NXPH3: variants seen among roughly 807,000 people sequenced by gnomAD.
NXPH3 encodes neurexophilin-3.
Under a neutral mutation model 18.8 loss-of-function variants are expected in NXPH3, and 7 were observed. That is an observed-to-expected ratio of 0.37 (90% confidence interval 0.21 to 0.70). The LOEUF (loss-of-function observed/expected upper bound fraction) is 0.70. NXPH3 is among the 30% of genes least tolerant of loss of function. NXPH3 has a pLI of 0.53. For missense variants in NXPH3, 282 were observed against 338.1 expected, an observed-to-expected ratio of 0.83 and a Z score of 1.30; for synonymous variants, 101 against 137.3, an observed-to-expected ratio of 0.74 and a Z score of 1.85.
rs2071591513 is a variant in NXPH3 at position 49,579,925 on chromosome 17, C to A, written c.*625C>A. On this transcript the variant is annotated 3_prime_UTR_variant, in exon 2 of 2. Coordinates refer to ENST00000328741, the MANE Select transcript of NXPH3 (RefSeq NM_007225.4). The surrounding 1 kb of genome is among the most constrained non-coding windows in gnomAD (Gnocchi z 6.0). ...TGACCATCTGTCTCCAGCCAGGCCA[C>A]CCCTTTCCAAAATTCCCTCTTCTGC... is the stretch of plus-strand genomic sequence containing the variant. 1 of 153,006 alleles carries A rather than the reference C, an allele frequency of 6.5e-6. No homozygotes were observed. Among genetic ancestry groups the A allele is most frequent in the South Asian group, 2.1e-4 (1 of 4,848 alleles). 9.5% of individuals were successfully genotyped at this position (153,006 alleles called of 1,614,324 possible). A position where few individuals can be genotyped will look rare whatever the true frequency, so the allele number is the denominator to read the frequency against.
chr17:49,578,806 A>G lies in NXPH3; in HGVS notation c.265A>G (p.Ser89Gly). 6.2e-7 allele frequency: 1 copy of G among 1,613,826 alleles called. No homozygotes were observed. The highest frequency in any genetic ancestry group is 8.5e-7 in the Non-Finnish European group (1 of 1,179,886). The change falls in exon 2 of 2, where the codon AGC (serine) becomes GGC (glycine). Residue 89 changes from serine to glycine, a missense_variant. Coordinates refer to ENST00000328741, the MANE Select transcript of NXPH3 (RefSeq NM_007225.4). This position sits in a 1 kb window ranked among gnomAD's most constrained non-coding sequence, Gnocchi z 4.5. Reference sequence around the variant, plus strand: ...GCAGCCCCCCAACCGCCCGAACCACAGCCCCCCACCCTCAGCCAAGGTGAA... The same window carrying G: ...GCAGCCCCCCAACCGCCCGAACCACGGCCCCCCACCCTCAGCCAAGGTGAA... ...LGQPPNRPNH[S>G]PPPSAKVKKI...
rs1340430764 is a variant in NXPH3 at position 49,582,063 on chromosome 17, C to T, written c.*2763C>T. ...TAATTCTTTGGAATAGCCCTCTGGT[C>T]CCTACTGTTCTTGCCAGATACTTCT... On this transcript the variant is annotated 3_prime_UTR_variant, in exon 2 of 2. Transcript: ENST00000328741. The T allele has an allele frequency of 5.2e-6, 3 of 577,866 alleles. No individual in the cohort carries two copies. Among genetic ancestry groups the T allele is most frequent in the Admixed American group, 6.7e-5 (2 of 29,662 alleles). 35.8% of individuals were successfully genotyped at this position (577,866 alleles called of 1,614,324 possible).
Position 49,578,397 on chromosome 17 carries a change from G to A in NXPH3, c.55-199G>A, listed in dbSNP as rs930894676. Among the ~76,000 whole-genome samples, 1 of 150,054 alleles carries A rather than the reference G, an allele frequency of 6.7e-6. No homozygotes were observed. The highest frequency in any genetic ancestry group is 6.6e-5 in the Admixed American group (1 of 15,080). On this transcript the variant is annotated intron_variant, in intron 1 of 1. Transcript: ENST00000328741. The surrounding 1 kb of genome is among the most constrained non-coding windows in gnomAD (Gnocchi z 4.5). ...CAAGACAGTGAGGAAAGGACAATGG[G>A]GGGGGGGGTGACCCAACTGTCAGAA... is the stretch of plus-strand genomic sequence containing the variant.
Position 49,580,101 on chromosome 17 carries a change from A to G in NXPH3, c.*801A>G, listed in dbSNP as rs1017270068. 1.3e-5 allele frequency: 2 copies of G among 152,420 alleles called. No individual in the cohort carries two copies. The highest frequency in any genetic ancestry group is 3.9e-4 in the East Asian group (2 of 5,180). 9.4% of individuals were successfully genotyped at this position (152,420 alleles called of 1,614,324 possible). A position where few individuals can be genotyped will look rare whatever the true frequency, so the allele number is the denominator to read the frequency against. On this transcript the variant is annotated 3_prime_UTR_variant, in exon 2 of 2. Coordinates refer to ENST00000328741, the MANE Select transcript of NXPH3 (RefSeq NM_007225.4). ...AACCCCTGCTGGCTCCTCTGGGAGC[A>G]TCCATGTCCCGGAGAGGGGTCCCTC...
At chr17:49,577,547 G>A (rs1245761027) in intron 1 of NXPH3, among the ~76,000 whole-genome samples, 3 of 152,228 alleles carry the variant, frequency 2.0e-5, no homozygotes. Flanking sequence ...CCAGGTGTGG[G>A]TTGTCACCAC....
At position 49,576,244 on chromosome 17, in the gene NXPH3, G is replaced by A. The variant is rs1444727822; in HGVS notation, c.25G>A (p.Val9Met). MQLTRCCF[V>M]FLVQGSLYLV... ...GATGCAACTGACTCGCTGCTGCTTCGTGTTCCTGGTGCAGGGTAGCCTCTA... is the reference window on the plus strand; with the variant it reads ...GATGCAACTGACTCGCTGCTGCTTCATGTTCCTGGTGCAGGGTAGCCTCTA... The change falls in exon 1 of 2, where the codon GTG (valine) becomes ATG (methionine). Residue 9 changes from valine to methionine, a missense_variant. Transcript: ENST00000328741. 1.3e-6 allele frequency: 2 copies of A among 1,568,998 alleles called. No individual in the cohort carries two copies. Among genetic ancestry groups the A allele is most frequent in the East Asian group, 2.4e-5 (1 of 42,320 alleles).
In NXPH3 at chr17:49,576,145, G is replaced by A; in HGVS notation, c.-75G>A. On this transcript the variant is annotated 5_prime_UTR_variant, in exon 1 of 2. Coordinates refer to ENST00000328741, the MANE Select transcript of NXPH3 (RefSeq NM_007225.4). ...GGAGCATGGGACGGCGCGCCTGAAG[G>A]AGCAGGAAGGGGAAGGAGGCCTGGG... 6.5e-7 allele frequency: 1 copy of A among 1,530,772 alleles called. No individual in the cohort carries two copies. The highest frequency in any genetic ancestry group is 8.9e-7 in the Non-Finnish European group (1 of 1,129,700). The allele number at this position is 1,530,772 out of a possible 1,614,324, so 94.8% of individuals were successfully genotyped here.
chr17:49,578,892 C>T lies in NXPH3; in HGVS notation c.351C>T (p.Leu117=), dbSNP rs1317378867. The change falls in exon 2 of 2, where the codon CTC becomes CTT. Residue 117 remains leucine (L), a synonymous_variant. Transcript: ENST00000328741. This position sits in a 1 kb window ranked among gnomAD's most constrained non-coding sequence, Gnocchi z 4.5. ...TCAAGACGGTGGCCCTGAACCTGCT[C>T]GTCACAGGGAAGATTGTGGACCATG... ...SNIKTVALNL[L]VTGKIVDHGN... is the part of the protein sequence containing the mutation. 4 of 1,614,140 alleles carry T rather than the reference C, an allele frequency of 2.5e-6. No individual in the cohort carries two copies. The highest frequency in any genetic ancestry group is 3.3e-5 in the Admixed American group (2 of 60,022).
At position 49,579,457 on chromosome 17, in the gene NXPH3, T is replaced by A. The variant is rs956308148; in HGVS notation, c.*157T>A. 1.2e-5 allele frequency: 8 copies of A among 655,782 alleles called. No individual in the cohort carries two copies. Among genetic ancestry groups the A allele is most frequent in the Non-Finnish European group, 2.1e-5 (8 of 387,764 alleles). The allele number at this position is 655,782 out of a possible 1,614,324, so 40.6% of individuals were successfully genotyped here. On this transcript the variant is annotated 3_prime_UTR_variant, in exon 2 of 2. Transcript: ENST00000328741. This position sits in a 1 kb window ranked among gnomAD's most constrained non-coding sequence, Gnocchi z 6.0. ...AGTGGGGCCAGGGCCAAGTCTCAAG[T>A]GGCAGAGAAAGGGTCCCAAGTGCTG...
Position 49,579,671 on chromosome 17 carries a change from C to T in NXPH3, c.*371C>T, listed in dbSNP as rs948930509. ...AGGAAGCTAAGCCCTTGGTTCTTGCCATCCTGAGGAAAGATAGCAACAGGG... is the reference window on the plus strand; with the variant it reads ...AGGAAGCTAAGCCCTTGGTTCTTGCTATCCTGAGGAAAGATAGCAACAGGG... On this transcript the variant is annotated 3_prime_UTR_variant, in exon 2 of 2. Transcript: ENST00000328741. This position sits in a 1 kb window ranked among gnomAD's most constrained non-coding sequence, Gnocchi z 6.0. 1 of 223,400 alleles carries T rather than the reference C, an allele frequency of 4.5e-6. No homozygotes were observed. Among genetic ancestry groups the T allele is most frequent in the Non-Finnish European group, 8.8e-6 (1 of 113,210 alleles). 13.8% of individuals were successfully genotyped at this position (223,400 alleles called of 1,614,324 possible).
At chr17:49,577,344 C>A (rs578056943) in intron 1 of NXPH3, among the ~76,000 whole-genome samples, 6 of 152,326 alleles carry the variant, frequency 3.9e-5, no homozygotes, top group African/African-American at 1.4e-4. Context: ...CCCTTGGAAC[C>A]CTACTGTCCC....
Position 49,581,584 on chromosome 17 carries a change from A to G in NXPH3, c.*2284A>G, listed in dbSNP as rs902985909. On this transcript the variant is annotated 3_prime_UTR_variant, in exon 2 of 2. Transcript: ENST00000328741. ...TCCAGGGGCCGTCTCTCCTGAGTGG[A>G]GATGTGAGACACACACCCCTCCTCC... 8 of 698,398 alleles carry G rather than the reference A, an allele frequency of 1.1e-5. No homozygotes were observed. In the Admixed American group the frequency reaches 1.4e-4, roughly 12 times the overall value. The allele number at this position is 698,398 out of a possible 1,614,324, so 43.3% of individuals were successfully genotyped here. A position where few individuals can be genotyped will look rare whatever the true frequency, so the allele number is the denominator to read the frequency against.
chr17:49,576,993 C>G (rs1423907688), intron 1 of NXPH3, among the ~76,000 whole-genome samples: 1 of 152,168 alleles, frequency 6.6e-6, no homozygotes, highest in East Asian at 1.9e-4. Context: ...GCTGACCCTC[C>G]CCGCAATACT....
rs780156713 is a variant in NXPH3, at chr17:49,579,224, C to T, written c.683C>T (p.Thr228Met). Residue 228 changes from threonine to methionine, a missense_variant, in exon 2 of 2, where the codon ACG becomes ATG. Transcript: ENST00000328741. This position sits in a 1 kb window ranked among gnomAD's most constrained non-coding sequence, Gnocchi z 6.0. Reference protein sequence around the residue: ...VVCVYIAFYSTDYRLVQKVCP... With the variant: ...VVCVYIAFYSMDYRLVQKVCP... ...TGTGTCTACATCGCCTTCTACAGCACGGACTATCGGCTGGTCCAGAAGGTG... is the reference window on the plus strand; with the variant it reads ...TGTGTCTACATCGCCTTCTACAGCATGGACTATCGGCTGGTCCAGAAGGTG... The T allele has an allele frequency of 3.1e-6, 5 of 1,606,400 alleles. No individual in the cohort carries two copies. In the Admixed American group the frequency reaches 5.0e-5, roughly 16 times the overall value.
Position 49,581,638 on chromosome 17 carries a change from G to T in NXPH3, c.*2338G>T. ...CCACCCTCCGCTCCCCACCCTGGAG[G>T]CTTGAGACTGCTGGCACTGGAGCAG... is the stretch of plus-strand genomic sequence containing the variant. On this transcript the variant is annotated 3_prime_UTR_variant, in exon 2 of 2. Coordinates refer to ENST00000328741, the MANE Select transcript of NXPH3 (RefSeq NM_007225.4). 1.4e-6 allele frequency: 1 copy of T among 702,576 alleles called. No individual in the cohort carries two copies. Among genetic ancestry groups the T allele is most frequent in the Non-Finnish European group, 2.6e-6 (1 of 384,988 alleles). 43.5% of individuals were successfully genotyped at this position (702,576 alleles called of 1,614,324 possible).
In NXPH3 at chr17:49,581,654, A is replaced by G. The variant is rs1051083606; in HGVS notation, c.*2354A>G. On this transcript the variant is annotated 3_prime_UTR_variant, in exon 2 of 2. Transcript: ENST00000328741. ...ACCCTGGAGGCTTGAGACTGCTGGC[A>G]CTGGAGCAGCCCACCAATGGACACC... 8 of 702,392 alleles carry G rather than the reference A, an allele frequency of 1.1e-5. No homozygotes were observed. The African/African-American group carries it at 1.2e-4, about 11-fold the overall frequency. The allele number at this position is 702,392 out of a possible 1,614,324, so 43.5% of individuals were successfully genotyped here.
chr17:49,576,388 G>T, intron 1 of NXPH3, 115 bp downstream of exon 1: 8 of 1,212,286 alleles, frequency 6.6e-6, no homozygotes, highest in Non-Finnish European at 9.4e-6. Flanking sequence ...CCCGGGGATG[G>T]CGGGGAAGAC....
At chr17:49,577,616 G>T (rs1050572781) in intron 1 of NXPH3, among the ~76,000 whole-genome samples, 4 of 152,180 alleles carry the variant, frequency 2.6e-5, no homozygotes, top group Non-Finnish European at 5.9e-5. Flanking sequence ...ATGGCGCCTG[G>T]ATAAAAACCC....
rs1393136069 is a variant in NXPH3, at chr17:49,581,800, T to C, written c.*2500T>C. 2.8e-6 allele frequency: 2 copies of C among 701,860 alleles called. No homozygotes were observed. The highest frequency in any genetic ancestry group is 5.2e-6 in the Non-Finnish European group (2 of 384,676). The allele number at this position is 701,860 out of a possible 1,614,324, so 43.5% of individuals were successfully genotyped here. ...CCCTGGCTGAACTCTCAGCAGGCAC[T>C]GGGGGCACTTTGACCCCCCTCCTGC... On this transcript the variant is annotated 3_prime_UTR_variant, in exon 2 of 2. Coordinates refer to ENST00000328741, the MANE Select transcript of NXPH3 (RefSeq NM_007225.4).
Sources: allele counts gnomAD v4.1 joint callset (sites outside exome capture counted in the v4.1 genomes callset), GRCh38; gene constraint gnomAD v4.1.1; non-coding constraint Gnocchi (gnomAD v3.1); transcripts MANE v1.5; gene names NCBI Gene and HGNC (gene_info 2026-07-23, HGNC 2026-07-21).